The following TRIO variants were observed in gnomAD, a reference collection of about 807,000 sequenced individuals.
TRIO encodes the protein triple functional domain protein.
Under a neutral mutation model 351.9 loss-of-function variants are expected in TRIO, and 58 were observed. That is an observed-to-expected ratio of 0.16 (90% confidence interval 0.13 to 0.21). The LOEUF is 0.21. Ranked by LOEUF, TRIO falls within the 10% of genes least tolerant of loss-of-function variation. The pLI, the probability that TRIO is intolerant of heterozygous loss-of-function variation, is 1.00. For synonymous variants in TRIO, 1,758 were observed against 1,595.7 expected, an observed-to-expected ratio of 1.10 and a Z score of -2.42; for missense variants, 3,201 against 4,027.8, an observed-to-expected ratio of 0.79 and a Z score of 5.56.
At chr5:14,488,363 C>G (rs1039711408) in intron 48 of TRIO, 103 bp downstream of exon 48, 25 of 1,451,698 alleles carry the variant, frequency 1.7e-5, no homozygotes, top group Non-Finnish European at 2.2e-5. Context: ...GCCCAGCGCT[C>G]TCCGCCGCCC....
intron 33 of TRIO, among the ~76,000 whole-genome samples, chr5:14,412,976 C>A (rs770041938): frequency 1.3e-5 from 2 of 151,432 alleles, no homozygotes; most frequent in East Asian, 1.9e-4. Flanking sequence ...GTACTGCTCA[C>A]ATATATTTAG....
At chr5:14,241,662 A>G (rs945483661) in intron 1 of TRIO, among the ~76,000 whole-genome samples, 2 of 152,220 alleles carry the variant, frequency 1.3e-5, no homozygotes, top group Admixed American at 6.5e-5. Context: ...ATTTTATATT[A>G]TTTAAAATAG....
At chr5:14,326,406 C>G (rs1209360528) in intron 9 of TRIO, among the ~76,000 whole-genome samples, 15 of 152,236 alleles carry the variant, frequency 9.9e-5, no homozygotes, top group Admixed American at 9.8e-4. Flanking sequence ...GCGATGGTAG[C>G]TGTTTCAAGT....
chr5:14,290,422 C>T (rs988025196), intron 4 of TRIO, among the ~76,000 whole-genome samples: 1 of 152,136 alleles, frequency 6.6e-6, no homozygotes, highest in African/African-American at 2.4e-5. Context: ...GGTTAATCTC[C>T]ATCTTCTTGG....
At chr5:14,346,149 T>C (rs1417904519) in intron 11 of TRIO, among the ~76,000 whole-genome samples, 4 of 152,200 alleles carry the variant, frequency 2.6e-5, no homozygotes, top group Non-Finnish European at 5.9e-5. Flanking sequence ...GGTTTTGTTA[T>C]CATTTGTTTG....
rs761885674 is a variant in TRIO at position 14,485,020 on chromosome 5, T to C, written c.6658-49T>C. 6 of 1,481,570 alleles carry C rather than the reference T, an allele frequency of 4.0e-6. No individual in the cohort carries two copies. The African/African-American group carries it at 8.4e-5, about 21-fold the overall frequency. The allele number at this position is 1,481,570 out of a possible 1,614,324, so 91.8% of individuals were successfully genotyped here. On this transcript the variant is annotated intron_variant, in intron 46 of 56. Transcript: ENST00000344204. ...ATCGGTCAGTGGACACATGGTTTGC[T>C]TCCTTTCCACCTGTTAGCTATTATG...
At chr5:14,186,339 G>C (rs545101137) in intron 1 of TRIO, among the ~76,000 whole-genome samples, 1 of 152,234 alleles carries the variant, frequency 6.6e-6, no homozygotes, top group African/African-American at 2.4e-5. Context: ...GGATATTAAA[G>C]AACTCCAAAA....
intron 33 of TRIO, among the ~76,000 whole-genome samples, chr5:14,412,773 G>A (rs1316278939): frequency 6.6e-6 from 1 of 152,188 alleles, no homozygotes; most frequent in Non-Finnish European, 1.5e-5. Flanking sequence ...ACTCCCAACC[G>A]CAGTTGACCT....
At chr5:14,344,102 CTTTA>C (rs1449748145) in intron 11 of TRIO, among the ~76,000 whole-genome samples, 2 of 152,156 alleles carry the variant, frequency 1.3e-5, no homozygotes, top group African/African-American at 2.4e-5. Context: ...CATTTGATTT[CTTTA>C]TTTTTCTGAC....
At chr5:14,199,604 G>A (rs1298975560) in intron 1 of TRIO, among the ~76,000 whole-genome samples, 1 of 152,184 alleles carries the variant, frequency 6.6e-6, no homozygotes, top group African/African-American at 2.4e-5. Context: ...TGGCAGAGAA[G>A]CTTCTTGGGC....
At chr5:14,186,207 T>A (rs1255358713) in intron 1 of TRIO, among the ~76,000 whole-genome samples, 4 of 152,180 alleles carry the variant, frequency 2.6e-5, no homozygotes, top group African/African-American at 7.2e-5. Flanking sequence ...TTCTCCCTTG[T>A]TTTTCTAGCC....
chr5:14,170,679 G>A (rs1391690520), intron 1 of TRIO, among the ~76,000 whole-genome samples: 1 of 151,890 alleles, frequency 6.6e-6, no homozygotes, highest in Non-Finnish European at 1.5e-5. Flanking sequence ...GCTAATTTTT[G>A]TACTTTAGTC....
intron 1 of TRIO, among the ~76,000 whole-genome samples, chr5:14,179,582 A>G (rs1789624152): frequency 1.3e-5 from 2 of 151,304 alleles, no homozygotes; most frequent in Admixed American, 1.3e-4. Context: ...TCAGCCAGGC[A>G]TGCATCACGA....
chr5:14,222,975 G>C (rs746860147), intron 1 of TRIO, among the ~76,000 whole-genome samples: 1 of 152,200 alleles, frequency 6.6e-6, no homozygotes, highest in Non-Finnish European at 1.5e-5. Context: ...AAATAAATAG[G>C]ATTGTTGAAA....
chr5:14,487,335 G>T (rs1171314467), intron 47 of TRIO, 129 bp from the exon 48 acceptor site: 3 of 1,022,452 alleles, frequency 2.9e-6, no homozygotes, highest in Non-Finnish European at 3.6e-6. Flanking sequence ...CCTGATGGGT[G>T]GGGTTGCTCT....
intron 11 of TRIO, among the ~76,000 whole-genome samples, chr5:14,349,985 T>G (rs1268280624): frequency 6.6e-6 from 1 of 152,202 alleles, no homozygotes; most frequent in Non-Finnish European, 1.5e-5. Flanking sequence ...TAGTTGGTTT[T>G]CTGTTCATGC....
chr5:14,298,203 G>C (rs1737530610), intron 7 of TRIO, among the ~76,000 whole-genome samples: 1 of 152,172 alleles, frequency 6.6e-6, no homozygotes, highest in South Asian at 2.1e-4. Flanking sequence ...AGTTTAAGAA[G>C]TAATGGGTAA....
At chr5:14,181,770 G>GGAT (rs1789783836) in intron 1 of TRIO, among the ~76,000 whole-genome samples, 2 of 152,168 alleles carry the variant, frequency 1.3e-5, no homozygotes. Flanking sequence ...AGTCTTGAAT[G>GGAT]GATGGCAGGA....
At position 14,188,301 on chromosome 5, in the gene TRIO, T is replaced by G. The variant is rs550993982; in HGVS notation, c.157+44419T>G. On this transcript the variant is annotated intron_variant, in intron 1 of 56. Transcript: ENST00000344204. ...CCATGTATTGTTCTCATTGCCTGTA[T>G]TATTTAATAAGTGTAATATTTTCTC... Among the ~76,000 whole-genome samples, 5 of 152,340 alleles carry G rather than the reference T, an allele frequency of 3.3e-5. No individual in the cohort carries two copies. In the South Asian group the frequency reaches 1.0e-3, roughly 32 times the overall value.
Sources: allele counts gnomAD v4.1 joint callset (sites outside exome capture counted in the v4.1 genomes callset), GRCh38; gene constraint gnomAD v4.1.1; transcripts MANE v1.5; gene names NCBI Gene and HGNC (gene_info 2026-07-23, HGNC 2026-07-21).